The following RPL27 variants were observed in gnomAD, a reference collection of about 807,000 sequenced individuals.
The protein encoded by RPL27 is ribosomal protein L27.
For missense variants in RPL27, 131 were observed against 174.3 expected, an observed-to-expected ratio of 0.75 and a Z score of 1.40; for synonymous variants, 77 against 61.0, an observed-to-expected ratio of 1.26 and a Z score of -1.22.
intron 4 of RPL27, 43 bp from the exon 5 acceptor site, chr17:43,002,829 T>C: frequency 1.9e-6 from 3 of 1,604,112 alleles, no homozygotes; most frequent in Non-Finnish European, 2.6e-6. Context: ...TTTCACTATT[T>C]CCATTCCTTT....
In RPL27 at chr17:43,002,721, C is replaced by G; in HGVS notation, c.300C>G (p.Val100=). The G allele has an allele frequency of 1.2e-6, 2 of 1,613,916 alleles. No individual in the cohort carries two copies. Among genetic ancestry groups the G allele is most frequent in the Non-Finnish European group, 1.7e-6 (2 of 1,179,858 alleles). Residue 100 remains valine, a synonymous_variant, in exon 4 of 5, where the codon GTC becomes GTG. Coordinates refer to ENST00000253788, the MANE Select transcript of RPL27 (RefSeq NM_000988.5). ...ACAAAACTGTCGTCAATAAGGATGT[C>G]TTCAGAGATCCTGCTCTTAAACGCA... The part of the protein sequence containing the change: ...PLDKTVVNKD[V]FRDPALKRKA...
intron 3 of RPL27, among the ~76,000 whole-genome samples, chr17:43,001,114 C>T (rs928556162): frequency 6.6e-6 from 1 of 151,956 alleles, no homozygotes; most frequent in Non-Finnish European, 1.5e-5. Flanking sequence ...GAGGCCGAGG[C>T]GAGCGGATCA....
chr17:43,002,770 A>C lies in RPL27; in HGVS notation c.349A>C (p.Lys117Gln), dbSNP rs1175285462. Residue 117 changes from lysine (K) to glutamine (Q), a missense_variant, in exon 4 of 5, where the codon AAG becomes CAG. Physicochemically the swap from Lys to Gln is moderately conservative, Grantham distance 53 (BLOSUM62 1). Coordinates refer to ENST00000253788, the MANE Select transcript of RPL27 (RefSeq NM_000988.5). The part of the protein sequence containing the change: ...KRKARREAKV[K>Q]FEERYKTGKN... ...CAAGGCCCGACGGGAGGCCAAGGTC[A>C]AGTTTGAAGAGAGGTAAGTAGGCTT... The C allele has an allele frequency of 6.2e-7, 1 of 1,612,826 alleles. No individual in the cohort carries two copies. The highest frequency in any genetic ancestry group is 8.5e-7 in the Non-Finnish European group (1 of 1,178,912).
At chr17:43,001,149 C>G (rs1486135850) in intron 3 of RPL27, among the ~76,000 whole-genome samples, 3 of 150,040 alleles carry the variant, frequency 2.0e-5, no homozygotes, top group African/African-American at 7.4e-5. Context: ...CGAGACCGCA[C>G]TGGCTAACAC....
intron 3 of RPL27, among the ~76,000 whole-genome samples, chr17:43,001,856 C>CCGAGGCAAGCGGATCA (rs2050365473): frequency 6.6e-6 from 1 of 151,704 alleles, no homozygotes; most frequent in Admixed American, 6.6e-5. Context: ...CTTTGGGAGG[C>CCGAGGCAAGCGGATCA]CGAGGCAAGC....
Position 43,002,953 on chromosome 17 carries a change from A to G in RPL27, c.*33A>G, listed in dbSNP as rs1333857275. The G allele has an allele frequency of 6.5e-7, 1 of 1,534,464 alleles. No individual in the cohort carries two copies. The highest frequency in any genetic ancestry group is 2.2e-5 in the East Asian group (1 of 44,524). On this transcript the variant is annotated 3_prime_UTR_variant, in exon 5 of 5. Coordinates refer to ENST00000253788, the MANE Select transcript of RPL27 (RefSeq NM_000988.5). ...GTTTTGATCATTAAAAATTATAAAG[A>G]AAAAAAGCCTGTGTCTGCATGCTGT...
chr17:43,000,123 A>C (rs986947258), intron 3 of RPL27, 21 bp downstream of exon 3: 1 of 1,587,186 alleles, frequency 6.3e-7, no homozygotes, highest in Non-Finnish European at 8.6e-7. Context: ...CAAGAACTAG[A>C]ATTTAAATTT....
chr17:43,000,155 A>G, intron 3 of RPL27, 53 bp downstream of exon 3: 10 of 1,362,380 alleles, frequency 7.3e-6, no homozygotes, highest in Non-Finnish European at 1.0e-5. Context: ...TCTGTTGAAT[A>G]ATGAGACAGA....
chr17:42,999,163 CT>C, intron 2 of RPL27: 1 of 203,852 alleles, frequency 4.9e-6, no homozygotes, highest in South Asian at 7.3e-5. Flanking sequence ...CTTTTCTTTT[CT>C]TTTCTTTTTT....
chr17:42,999,920 C>G lies in RPL27; in HGVS notation c.82-13C>G. The G allele has an allele frequency of 6.2e-7, 1 of 1,606,386 alleles. No homozygotes were observed. Reference sequence around the variant, plus strand: ...CCCTCAGTGAATAACAAATGTAATTCTTACTCATTTAGAACATTGATGATG... The same window carrying G: ...CCCTCAGTGAATAACAAATGTAATTGTTACTCATTTAGAACATTGATGATG... On this transcript the variant is annotated splice_polypyrimidine_tract_variant and intron_variant, in intron 2 of 4. Coordinates refer to ENST00000253788, the MANE Select transcript of RPL27 (RefSeq NM_000988.5).
chr17:42,998,926 G>T, intron 2 of RPL27, 95 bp downstream of exon 2: 1 of 968,794 alleles, frequency 1.0e-6, no homozygotes, highest in Non-Finnish European at 1.6e-6. Context: ...TGTTTCTGGG[G>T]CAGTAGCCAG....
chr17:43,002,610 T>G, intron 3 of RPL27, 63 bp from the exon 4 acceptor site: 1 of 858,108 alleles, frequency 1.2e-6, no homozygotes, highest in African/African-American at 1.7e-5. Context: ...CCACAAGGAT[T>G]TGGGCTGTAT....
chr17:42,999,821 G>A (rs2050340048), intron 2 of RPL27, 112 bp from the exon 3 acceptor site: 2 of 747,408 alleles, frequency 2.7e-6, no homozygotes, highest in East Asian at 5.0e-5. Context: ...TCTTTATAAT[G>A]GTGGATCTTG....
At position 42,999,172 on chromosome 17, in the gene RPL27, T is replaced by TC. The variant is rs200503635; in HGVS notation, c.81+341_81+342insC. 203 of 204,304 alleles carry TC rather than the reference T, an allele frequency of 9.9e-4. 1 individual carries two copies. The highest frequency in any genetic ancestry group is 3.2e-3 in the South Asian group (44 of 13,826). The allele number at this position is 204,304 out of a possible 1,614,324, so 12.7% of individuals were successfully genotyped here. A position where few individuals can be genotyped will look rare whatever the true frequency, so the allele number is the denominator to read the frequency against. ...GGATTCCTTTTCTTTTCTTTTCTTT[T>TC]TTTTTTTTTTGAGACGGGATCTCTG... On this transcript the variant is annotated intron_variant, in intron 2 of 4. Transcript: ENST00000253788.
chr17:43,000,542 ATTC>A (rs1210901190), intron 3 of RPL27, among the ~76,000 whole-genome samples: 5 of 145,628 alleles, frequency 3.4e-5, no homozygotes, highest in Non-Finnish European at 6.0e-5. Flanking sequence ...ATCTCACACC[ATTC>A]TTCTGCCTCA....
Position 43,002,720 on chromosome 17 carries a change from T to C in RPL27, c.299T>C (p.Val100Ala), listed in dbSNP as rs764241143. 4.3e-6 allele frequency: 7 copies of C among 1,613,834 alleles called. No homozygotes were observed. The highest frequency in any genetic ancestry group is 5.1e-6 in the Non-Finnish European group (6 of 1,179,884). The change falls in exon 4 of 5, where the codon GTC becomes GCC. Residue 100 changes from valine (V) to alanine (A), a missense_variant. By Grantham distance (64) the Val-to-Ala change is moderately conservative (BLOSUM62 0). Coordinates refer to ENST00000253788, the MANE Select transcript of RPL27 (RefSeq NM_000988.5). ...GACAAAACTGTCGTCAATAAGGATGTCTTCAGAGATCCTGCTCTTAAACGC... is the reference window on the plus strand; with the variant it reads ...GACAAAACTGTCGTCAATAAGGATGCCTTCAGAGATCCTGCTCTTAAACGC... ...PLDKTVVNKD[V>A]FRDPALKRKA...
At chr17:42,999,819 A>G (rs1427552190) in intron 2 of RPL27, 114 bp from the exon 3 acceptor site, 2 of 739,014 alleles carry the variant, frequency 2.7e-6, no homozygotes, top group Non-Finnish European at 4.6e-6. Flanking sequence ...TCTCTTTATA[A>G]TGGTGGATCT....
chr17:42,999,999 C>T lies in RPL27; in HGVS notation c.148C>T (p.Pro50Ser). The T allele has an allele frequency of 6.2e-7, 1 of 1,612,364 alleles. No individual in the cohort carries two copies. The highest frequency in any genetic ancestry group is 1.1e-5 in the South Asian group (1 of 91,004). ...HALVAGIDRY[P>S]RKVTAAMGKK... ...TCTGGTGGCTGGAATTGACCGCTAC[C>T]CCCGCAAAGTGACAGCTGCCATGGG... The change falls in exon 3 of 5, where the codon CCC (proline) becomes TCC (serine). Residue 50 changes from proline to serine, a missense_variant. Physicochemically the swap from Pro to Ser is moderately conservative, Grantham distance 74. Transcript: ENST00000253788.
chr17:42,999,988 T>G lies in RPL27; in HGVS notation c.137T>G (p.Ile46Ser). The G allele has an allele frequency of 6.2e-7, 1 of 1,612,254 alleles. No individual in the cohort carries two copies. Among genetic ancestry groups the G allele is most frequent in the Non-Finnish European group, 8.5e-7 (1 of 1,179,862 alleles). ...RPYSHALVAGIDRYPRKVTAA... is the reference protein window; with the variant it reads ...RPYSHALVAGSDRYPRKVTAA... ...TACAGCCATGCTCTGGTGGCTGGAATTGACCGCTACCCCCGCAAAGTGACA... is the reference window on the plus strand; with the variant it reads ...TACAGCCATGCTCTGGTGGCTGGAAGTGACCGCTACCCCCGCAAAGTGACA... Residue 46 changes from isoleucine (I) to serine (S), a missense_variant, in exon 3 of 5, where the codon ATT becomes AGT. By Grantham distance (142) the Ile-to-Ser change is moderately radical. Transcript: ENST00000253788.
Sources: allele counts gnomAD v4.1 joint callset (sites outside exome capture counted in the v4.1 genomes callset), GRCh38; gene constraint gnomAD v4.1.1; transcripts MANE v1.5; gene names NCBI Gene and HGNC (gene_info 2026-07-23, HGNC 2026-07-21).